The following PALLD variants were observed in gnomAD, a reference collection of about 807,000 sequenced individuals.
PALLD encodes the protein palladin, cytoskeletal associated protein.
PALLD carries 61 observed loss-of-function variants against 123.5 expected under a neutral mutation model. The ratio of observed to expected loss-of-function variants is 0.49; its 90% CI spans 0.40 to 0.61. The LOEUF (loss-of-function observed/expected upper bound fraction) is 0.61, where lower values mean the gene tolerates loss of function less well. PALLD is among the 20% of genes least tolerant of loss of function. PALLD has a pLI of 0.00. For missense variants in PALLD, 1,273 were observed against 1,377.0 expected, an observed-to-expected ratio of 0.92 and a Z score of 1.20; for synonymous variants, 465 against 496.4, an observed-to-expected ratio of 0.94 and a Z score of 0.84.
At chr4:168,799,077 G>A (rs1738931454) in intron 10 of PALLD, among the ~76,000 whole-genome samples, 1 of 152,214 alleles carries the variant, frequency 6.6e-6, no homozygotes, top group African/African-American at 2.4e-5. Context: ...GTGACGTACA[G>A]GAATCAGAAG....
At chr4:168,924,179 T>A in intron 18 of PALLD, 76 bp from the exon 19 acceptor site, 1 of 1,329,882 alleles carries the variant, frequency 7.5e-7, no homozygotes, top group African/African-American at 1.4e-5. Context: ...CAAGCAATAT[T>A]CCAAAAGCCT....
chr4:168,744,262 T>C (rs1432862648), intron 10 of PALLD, among the ~76,000 whole-genome samples: 1 of 152,186 alleles, frequency 6.6e-6, no homozygotes, highest in Non-Finnish European at 1.5e-5. Context: ...AGATGACTCC[T>C]TGGGGGCCCC....
chr4:168,708,326 T>C (rs1200055819), intron 8 of PALLD, among the ~76,000 whole-genome samples: 1 of 152,202 alleles, frequency 6.6e-6, no homozygotes, highest in Non-Finnish European at 1.5e-5. Flanking sequence ...TAATTTTGTG[T>C]GTCATGCATG....
intron 13 of PALLD, 33 bp from the exon 14 acceptor site, chr4:168,898,460 T>A: frequency 7.3e-7 from 1 of 1,370,064 alleles, no homozygotes; most frequent in Non-Finnish European, 1.0e-6. Flanking sequence ...CAGAAGGGAT[T>A]GAGTCTGCTA....
chr4:168,771,788 G>A (rs942259906), intron 10 of PALLD, among the ~76,000 whole-genome samples: 1 of 152,046 alleles, frequency 6.6e-6, no homozygotes, highest in African/African-American at 2.4e-5. Flanking sequence ...TGGGGACCCT[G>A]GATGTTTGAA....
chr4:168,928,208 A>G lies in PALLD; in HGVS notation c.*2028A>G, dbSNP rs1762796452. 5.4e-6 allele frequency: 1 copy of G among 185,628 alleles called. No individual in the cohort carries two copies. Among genetic ancestry groups the G allele is most frequent in the East Asian group, 8.7e-5 (1 of 11,478 alleles). 11.5% of individuals were successfully genotyped at this position (185,628 alleles called of 1,614,324 possible). On this transcript the variant is annotated 3_prime_UTR_variant, in exon 22 of 22. Coordinates refer to ENST00000505667, the MANE Select transcript of PALLD (RefSeq NM_001166108.2). ...CACAGTCTCTCATGGACCTATCTCT[A>G]TTGTAGAATTATGACTTATGTCTTA... is the stretch of plus-strand genomic sequence containing the variant.
chr4:168,810,394 C>T (rs531358937), intron 10 of PALLD, among the ~76,000 whole-genome samples: 7 of 152,254 alleles, frequency 4.6e-5, no homozygotes, highest in African/African-American at 1.7e-4. Context: ...GTGGCTCATG[C>T]CTGTAATCCC....
At chr4:168,668,578 A>G (rs951250274) in intron 3 of PALLD, among the ~76,000 whole-genome samples, 1 of 152,228 alleles carries the variant, frequency 6.6e-6, no homozygotes. Context: ...TGTTCCTTTT[A>G]ATGTAGAATG....
chr4:168,701,547 A>G (rs953810013), intron 8 of PALLD, among the ~76,000 whole-genome samples: 1 of 152,220 alleles, frequency 6.6e-6, no homozygotes, highest in Non-Finnish European at 1.5e-5. Context: ...GGAATTCTTT[A>G]CAAGTCATCA....
chr4:168,727,230 G>C (rs576533126), intron 10 of PALLD, among the ~76,000 whole-genome samples: 1 of 152,174 alleles, frequency 6.6e-6, no homozygotes, highest in South Asian at 2.1e-4. Context: ...ATTTTCCTTT[G>C]GGTATATACC....
At position 168,878,127 on chromosome 4, in the gene PALLD, C is replaced by T. The variant is rs587780759; in HGVS notation, c.1965-12795C>T. Reference sequence around the variant, plus strand: ...CAGCCCTTCGGCGCTGAGCCCGAGGCCCCGTGGGGCTCCTCCTCGCCGTCG... The same window carrying T: ...CAGCCCTTCGGCGCTGAGCCCGAGGTCCCGTGGGGCTCCTCCTCGCCGTCG... On this transcript the variant is annotated intron_variant, in intron 10 of 21. Transcript: ENST00000505667. 8.8e-6 allele frequency: 13 copies of T among 1,480,474 alleles called. No individual in the cohort carries two copies. Among genetic ancestry groups the T allele is most frequent in the Admixed American group, 2.3e-5 (1 of 43,878 alleles). 91.7% of individuals were successfully genotyped at this position (1,480,474 alleles called of 1,614,324 possible).
chr4:168,672,354 T>C (rs932710560), intron 3 of PALLD, among the ~76,000 whole-genome samples: 19 of 152,304 alleles, frequency 1.2e-4, no homozygotes, highest in South Asian at 4.1e-4. Context: ...CCTCTTACAC[T>C]TTTAGCTGTA....
intron 10 of PALLD, among the ~76,000 whole-genome samples, chr4:168,767,532 CCT>C (rs915249681): frequency 2.7e-5 from 4 of 149,314 alleles, no homozygotes; most frequent in Admixed American, 6.8e-5. Flanking sequence ...TTATTTACTC[CCT>C]GTCTCTGATT....
chr4:168,922,102 TACACAC>T lies in PALLD; in HGVS notation c.3058+398_3058+403del, dbSNP rs35503011. Among the ~76,000 whole-genome samples the T allele has an allele frequency of 3.6e-3, 477 of 132,618 alleles. 3 individuals are homozygous for T. The highest frequency in any genetic ancestry group is 4.5e-3 in the East Asian group (22 of 4,886). The allele number at this position is 132,618 out of a possible 152,430, so 87.0% of individuals were successfully genotyped here. ...TTTTATATTTATATATATATATATATACACACACACACACACACACACACACACACA... is the reference window on the plus strand; with the variant it reads ...TTTTATATTTATATATATATATATATACACACACACACACACACACACACA... On this transcript the variant is annotated intron_variant, in intron 18 of 21. Coordinates refer to ENST00000505667, the MANE Select transcript of PALLD (RefSeq NM_001166108.2).
At chr4:168,771,761 C>T (rs114285491) in intron 10 of PALLD, among the ~76,000 whole-genome samples, 257 of 152,278 alleles carry the variant, frequency 1.7e-3, no homozygotes, top group African/African-American at 6.0e-3. Context: ...TCTGCCAGCA[C>T]CCCTTGGTTG....
chr4:168,665,587 C>G (rs1779566281), intron 2 of PALLD, among the ~76,000 whole-genome samples: 1 of 152,128 alleles, frequency 6.6e-6, no homozygotes, highest in African/African-American at 2.4e-5. Context: ...AAAATGGTTG[C>G]TATGTGAAAC....
At chr4:168,718,467 C>G (rs886583349) in intron 10 of PALLD, among the ~76,000 whole-genome samples, 1 of 152,112 alleles carries the variant, frequency 6.6e-6, no homozygotes, top group Non-Finnish European at 1.5e-5. Context: ...TGTCTGCAAC[C>G]TGTAGACTTA....
At chr4:168,539,068 A>C (rs1765360958) in intron 2 of PALLD, among the ~76,000 whole-genome samples, 1 of 152,220 alleles carries the variant, frequency 6.6e-6, no homozygotes, top group Non-Finnish European at 1.5e-5. Flanking sequence ...TATAATTTGA[A>C]ATTGTTAAGA....
rs573434363 is a variant in PALLD at position 168,773,470 on chromosome 4, CTGAG to C, written c.1964+61550_1964+61553del. 1.3e-4 allele frequency among the ~76,000 whole-genome samples: 20 copies of C among 152,340 alleles called. No individual in the cohort carries two copies. The South Asian group carries it at 3.5e-3, about 27-fold the overall frequency. On this transcript the variant is annotated intron_variant, in intron 10 of 21. Coordinates refer to ENST00000505667, the MANE Select transcript of PALLD (RefSeq NM_001166108.2). ...GAAATTCAGGGATAAAAATAACCCA[CTGAG>C]TGTCAGGCCTGATTGCTAAGTGCTG... is the stretch of plus-strand genomic sequence containing the variant.
Sources: allele counts gnomAD v4.1 joint callset (sites outside exome capture counted in the v4.1 genomes callset), GRCh38; gene constraint gnomAD v4.1.1; transcripts MANE v1.5; gene names NCBI Gene and HGNC (gene_info 2026-07-23, HGNC 2026-07-21).